The following HIVEP3 variants were observed in gnomAD, a reference collection of about 807,000 sequenced individuals.
HIVEP3 encodes transcription factor HIVEP3.
A neutral mutation model predicts 152.8 loss-of-function variants in HIVEP3; 49 were observed. The ratio of observed to expected loss-of-function variants is 0.32; its 90% confidence interval spans 0.26 to 0.41. HIVEP3 has a LOEUF of 0.41. HIVEP3 is among the 10% of genes least tolerant of loss of function. The pLI is 1.00. For missense variants in HIVEP3, 2,790 were observed against 3,103.3 expected (o/e 0.90, Z 2.40); for synonymous variants, 1,269 against 1,289.0 (o/e 0.98, Z 0.33).
intron 1 of HIVEP3, among the ~76,000 whole-genome samples, chr1:41,903,533 C>T (rs988155631): frequency 1.5e-4 from 23 of 152,208 alleles, no homozygotes; most frequent in African/African-American, 5.1e-4. Context: ...ACCACACTTG[C>T]CCGACTTGTC....
chr1:41,739,431 G>A (rs1187741819), intron 1 of HIVEP3, among the ~76,000 whole-genome samples: 2 of 152,232 alleles, frequency 1.3e-5, no homozygotes, highest in African/African-American at 4.8e-5. Flanking sequence ...GAGGAACAGC[G>A]TGACAGCCCA....
rs1040918894 is a variant in HIVEP3, at chr1:41,509,037, C to T, written c.*1414G>A. ...ATTTCTGGTCCTATTATTTTTCTTACAAAGTAGAGTTTTGCCCCAGGAAAT... is the reference window on the plus strand; with the variant it reads ...ATTTCTGGTCCTATTATTTTTCTTATAAAGTAGAGTTTTGCCCCAGGAAAT... On this transcript the variant is annotated 3_prime_UTR_variant, in exon 9 of 9. Transcript: ENST00000372583. 6.6e-6 allele frequency: 1 copy of T among 152,192 alleles called. No homozygotes were observed. Among genetic ancestry groups the T allele is most frequent in the African/African-American group, 2.4e-5 (1 of 41,434 alleles). The allele number at this position is 152,192 out of a possible 1,614,324, so 9.4% of individuals were successfully genotyped here. A position where few individuals can be genotyped will look rare whatever the true frequency, so the allele number is the denominator to read the frequency against.
Position 41,570,005 on chromosome 1 carries a change from T to G in HIVEP3, c.5207+5539A>C, listed in dbSNP as rs1034641373. The stretch of plus-strand genomic sequence containing the variant: ...TGTGGACAAAGGGTGGGTTCACTGA[T>G]GTGCAGGTGGACCGCCTCCCAGATA... On this transcript the variant is annotated intron_variant, in intron 5 of 8. Transcript: ENST00000372583. Among the ~76,000 whole-genome samples, 3 of 152,220 alleles carry G rather than the reference T, an allele frequency of 2.0e-5. No homozygotes were observed. In the East Asian group the frequency reaches 5.8e-4, roughly 29 times the overall value.
At position 41,581,548 on chromosome 1, in the gene HIVEP3, A is replaced by G. The variant is rs781396390; in HGVS notation, c.3250T>C (p.Ser1084Pro). The G allele has an allele frequency of 1.9e-6, 3 of 1,600,576 alleles. No homozygotes were observed. The change falls in exon 4 of 9, where the codon TCA (serine) becomes CCA (proline). Residue 1084 changes from serine to proline, a missense_variant. Around this residue, in one of 9 missense-constraint regions of HIVEP3, gnomAD observed 1,078 missense variants for 1,165.3 expected, o/e 0.93. Coordinates refer to ENST00000372583, the MANE Select transcript of HIVEP3 (RefSeq NM_024503.5). The surrounding 1 kb of genome is among the most constrained non-coding windows in gnomAD (Gnocchi z 4.5). ...PSSSKPSAKS[S>P]LSQISSAATS... The stretch of plus-strand genomic sequence containing the variant: ...GCCGCAGAGGAAATCTGGGACAATG[A>G]GCTTTTGGCAGAGGGTTTACTGGAT...
intron 1 of HIVEP3, among the ~76,000 whole-genome samples, chr1:41,897,936 A>AGG (rs1161703944): frequency 1.9e-4 from 20 of 105,906 alleles, no homozygotes; most frequent in Admixed American, 1.3e-3. Context: ...CCTGAGAGAG[A>AGG]GGGAGAGAGA....
Position 41,524,906 on chromosome 1 carries a change from T to G in HIVEP3, c.5212A>C (p.Lys1738Gln). 1 of 1,612,746 alleles carries G rather than the reference T, an allele frequency of 6.2e-7. No individual in the cohort carries two copies. Among genetic ancestry groups the G allele is most frequent in the Non-Finnish European group, 8.5e-7 (1 of 1,179,054 alleles). The change falls in exon 6 of 9, where the codon AAA (lysine) becomes CAA (glutamine). Residue 1738 changes from lysine (K) to glutamine (Q), a missense_variant. Physicochemically the swap from Lys to Gln is moderately conservative, Grantham distance 53. Coordinates refer to ENST00000372583, the MANE Select transcript of HIVEP3 (RefSeq NM_024503.5). Reference sequence around the variant, plus strand: ...ACATATACATACTCTTCGTTTGATTTGTACCTATGAGCAACAGGCGTCATA... The same window carrying G: ...ACATATACATACTCTTCGTTTGATTGGTACCTATGAGCAACAGGCGTCATA... Reference protein sequence around the residue: ...ARIKIFEGGYKSNEEYVYVRG... With the variant: ...ARIKIFEGGYQSNEEYVYVRG...
At chr1:41,978,197 C>G (rs1423522335) in intron 1 of HIVEP3, among the ~76,000 whole-genome samples, 1 of 152,168 alleles carries the variant, frequency 6.6e-6, no homozygotes, top group African/African-American at 2.4e-5. Flanking sequence ...CTAAGGAATC[C>G]ACTAGGTTGG....
At chr1:41,602,989 G>A (rs1644768422) in intron 3 of HIVEP3, among the ~76,000 whole-genome samples, 1 of 152,018 alleles carries the variant, frequency 6.6e-6, no homozygotes, top group Admixed American at 6.6e-5. Flanking sequence ...TGTTTACAGT[G>A]TGTCATTTAA....
At chr1:41,698,668 T>C (rs1235125533) in intron 2 of HIVEP3, among the ~76,000 whole-genome samples, 2 of 152,112 alleles carry the variant, frequency 1.3e-5, no homozygotes, top group Non-Finnish European at 2.9e-5. Context: ...TCCCGTGCCA[T>C]GCCTTTCTCC....
rs767684051 is a variant in HIVEP3, at chr1:41,580,700, C to T, written c.4098G>A (p.Thr1366=). 17 of 1,603,060 alleles carry T rather than the reference C, an allele frequency of 1.1e-5. No homozygotes were observed. The highest frequency in any genetic ancestry group is 6.7e-5 in the East Asian group (3 of 44,778). ...PKFEEPPSKG[T]TVCGADVHEV... is the part of the protein sequence containing the mutation. ...CATGCACATCTGCACCACATACAGT[C>T]GTCCCCTTTGATGGGGGTTCCTCAA... The change falls in exon 4 of 9, where the codon ACG becomes ACA. Residue 1366 remains threonine, a synonymous_variant. Coordinates refer to ENST00000372583, the MANE Select transcript of HIVEP3 (RefSeq NM_024503.5).
At chr1:41,517,466 G>T (rs16828341) in intron 7 of HIVEP3, among the ~76,000 whole-genome samples, 16,007 of 152,202 alleles carry the variant, frequency 0.11, 2,775 homozygotes, top group African/African-American at 0.36. Flanking sequence ...CCACCTAAAA[G>T]GAAATATGAC....
intron 1 of HIVEP3, among the ~76,000 whole-genome samples, chr1:41,989,511 A>T (rs1490966194): frequency 2.0e-5 from 3 of 152,190 alleles, no homozygotes; most frequent in Non-Finnish European, 2.9e-5. Context: ...GGAAGGCTTC[A>T]TTGATAAGGA....
At chr1:41,888,830 CCA>C (rs765259379) in intron 1 of HIVEP3, among the ~76,000 whole-genome samples, 22 of 137,058 alleles carry the variant, frequency 1.6e-4, no homozygotes, top group African/African-American at 3.3e-4. Context: ...CACACATATA[CCA>C]CACACACATG....
At chr1:41,651,060 C>G (rs1645540666) in intron 2 of HIVEP3, among the ~76,000 whole-genome samples, 1 of 152,162 alleles carries the variant, frequency 6.6e-6, no homozygotes, top group Non-Finnish European at 1.5e-5. Context: ...ACAGTCAGCT[C>G]TATCTGTGGG....
At chr1:41,801,255 A>G (rs1281005456) in intron 1 of HIVEP3, among the ~76,000 whole-genome samples, 2 of 152,184 alleles carry the variant, frequency 1.3e-5, no homozygotes, top group African/African-American at 4.8e-5. Flanking sequence ...AAGGGATAGC[A>G]TAAGAGCAAC....
Position 41,585,145 on chromosome 1 carries a change from C to T in HIVEP3, c.-348G>A, listed in dbSNP as rs559594481. 39 of 399,818 alleles carry T rather than the reference C, an allele frequency of 9.8e-5. No individual in the cohort carries two copies. In the South Asian group the frequency reaches 3.4e-3, roughly 35 times the overall value. 24.8% of individuals were successfully genotyped at this position (399,818 alleles called of 1,614,324 possible). A position where few individuals can be genotyped will look rare whatever the true frequency, so the allele number is the denominator to read the frequency against. On this transcript the variant is annotated 5_prime_UTR_variant, in exon 4 of 9. The change creates a new upstream start codon in the 5' untranslated region. Coordinates refer to ENST00000372583, the MANE Select transcript of HIVEP3 (RefSeq NM_024503.5). ...AGCTGGCAGTGGCAGGTGGCCCCCA[C>T]GAGTCCCCCGTGTGCTATGCAAACG...
At chr1:41,592,080 CA>C (rs1401376996) in intron 3 of HIVEP3, among the ~76,000 whole-genome samples, 1 of 152,182 alleles carries the variant, frequency 6.6e-6, no homozygotes, top group Non-Finnish European at 1.5e-5. Context: ...TGGTGAGAGC[CA>C]GGGGGCTGAG....
At chr1:41,768,796 T>G (rs964435097) in intron 1 of HIVEP3, among the ~76,000 whole-genome samples, 1 of 152,206 alleles carries the variant, frequency 6.6e-6, no homozygotes, top group Non-Finnish European at 1.5e-5. Flanking sequence ...ATTCCAAATT[T>G]AATGTAAATA....
chr1:41,998,817 G>C (rs771850457), intron 1 of HIVEP3, among the ~76,000 whole-genome samples: 14 of 147,376 alleles, frequency 9.5e-5, no homozygotes, highest in Non-Finnish European at 1.8e-4. Flanking sequence ...ATGTGATTTT[G>C]CCACTCTTAT....
Sources: allele counts gnomAD v4.1 joint callset (sites outside exome capture counted in the v4.1 genomes callset), GRCh38; gene constraint gnomAD v4.1.1; regional missense constraint gnomAD v4.1.1; non-coding constraint Gnocchi (gnomAD v3.1); transcripts MANE v1.5; gene names NCBI Gene and HGNC (gene_info 2026-07-23, HGNC 2026-07-21).